Variants in PLCE1 observed in about 807,000 individuals in gnomAD.
PLCE1 encodes the protein phospholipase C epsilon 1.
In PLCE1, 119 loss-of-function variants were observed where a neutral mutation model predicts 242.8. That is an observed-to-expected ratio of 0.49 (90% CI 0.42 to 0.57). The LOEUF (loss-of-function observed/expected upper bound fraction) is 0.57. PLCE1 is among the 20% of genes least tolerant of loss of function. The probability of loss-of-function intolerance (pLI) is 0.00; values close to 1 mark genes in which losing one functional copy is unlikely to be tolerated. For synonymous variants in PLCE1, 945 were observed against 1,017.4 expected (o/e 0.93, Z 1.35); for missense variants, 2,441 against 2,788.8 (o/e 0.88, Z 2.81).
intron 2 of PLCE1, among the ~76,000 whole-genome samples, chr10:94,060,431 A>T (rs1268662943): frequency 6.6e-6 from 1 of 152,184 alleles, no homozygotes; most frequent in Non-Finnish European, 1.5e-5. Context: ...GAATAAAGGT[A>T]TGAAAAATAA....
At chr10:94,177,792 A>T (rs1023389275) in intron 4 of PLCE1, among the ~76,000 whole-genome samples, 5 of 152,224 alleles carry the variant, frequency 3.3e-5, no homozygotes, top group Non-Finnish European at 4.4e-5. Context: ...ATGCAGAGGC[A>T]TTTTTATAGA....
chr10:94,141,581 G>A (rs186935980), intron 3 of PLCE1, among the ~76,000 whole-genome samples: 248 of 4,342 alleles, frequency 0.057, 8 homozygotes, highest in African/African-American at 0.17. Flanking sequence ...AAGGGAAGGT[G>A]AAGGGAAGGC....
At chr10:94,161,916 T>C (rs1484699203) in intron 3 of PLCE1, among the ~76,000 whole-genome samples, 1 of 152,206 alleles carries the variant, frequency 6.6e-6, no homozygotes, top group Non-Finnish European at 1.5e-5. Flanking sequence ...GAGATAATCA[T>C]GTGGTTTTTG....
At chr10:94,138,863 T>TAG (rs1443990025) in intron 3 of PLCE1, 5 of 179,452 alleles carry the variant, frequency 2.8e-5, no homozygotes, top group African/African-American at 9.6e-5. Context: ...TCTGGGAACC[T>TAG]GAGAATGCTG....
intron 22 of PLCE1, among the ~76,000 whole-genome samples, chr10:94,287,754 T>A (rs2052509466): frequency 6.6e-6 from 1 of 152,118 alleles, no homozygotes; most frequent in South Asian, 2.1e-4. Flanking sequence ...GATATGGTAT[T>A]TTTATTTTAT....
rs1315433974 is a variant in PLCE1, at chr10:94,236,364, T to TA, written c.2420+254dup. ...AACTTCTTACCATCTGTTACCCCTT[T>TA]AAAAAAAAAACAAAAACCTAGAGCT... is the stretch of plus-strand genomic sequence containing the variant. On this transcript the variant is annotated intron_variant, in intron 7 of 32. Coordinates refer to ENST00000371380, the MANE Select transcript of PLCE1 (RefSeq NM_016341.4). 3.3e-3 allele frequency among the ~76,000 whole-genome samples: 489 copies of TA among 147,132 alleles called. 3 individuals are homozygous for TA. Among genetic ancestry groups the TA allele is most frequent in the African/African-American group, 9.5e-3 (381 of 40,152 alleles).
At chr10:94,172,349 CTTTTG>C (rs996568669) in intron 4 of PLCE1, among the ~76,000 whole-genome samples, 10 of 152,156 alleles carry the variant, frequency 6.6e-5, no homozygotes, top group African/African-American at 2.2e-4. Flanking sequence ...GATTTAATTT[CTTTTG>C]TTTTGTGTAT....
intron 2 of PLCE1, among the ~76,000 whole-genome samples, chr10:94,071,826 C>G (rs1246259488): frequency 6.6e-6 from 1 of 151,948 alleles, no homozygotes; most frequent in East Asian, 1.9e-4. Flanking sequence ...CTCAGTGCTC[C>G]CCTCCCCCTC....
At chr10:94,324,285 T>G (rs1056511069) in intron 30 of PLCE1, 64 bp from the exon 31 acceptor site, 1 of 1,306,658 alleles carries the variant, frequency 7.7e-7, no homozygotes. Flanking sequence ...AAGTTTCATA[T>G]AGAATGAATG....
In PLCE1 at chr10:94,132,296, G is replaced by A. The variant is rs1431996947; in HGVS notation, c.1329G>A (p.Lys443=). 1.2e-6 allele frequency: 2 copies of A among 1,613,812 alleles called. No homozygotes were observed. The highest frequency in any genetic ancestry group is 3.3e-5 in the Admixed American group (2 of 59,962). Residue 443 remains lysine (K), a synonymous_variant, in exon 3 of 33, where the codon AAG becomes AAA. Coordinates refer to ENST00000371380, the MANE Select transcript of PLCE1 (RefSeq NM_016341.4). ...HGRISVGPCL[K]QCVRDTVCEY... The stretch of plus-strand genomic sequence containing the variant: ...GGATAAGCGTTGGTCCATGCTTAAA[G>A]CAATGTGTCCGAGACACTGTATGTG...
At chr10:94,266,254 A>C (rs1368763743) in intron 16 of PLCE1, among the ~76,000 whole-genome samples, 1 of 152,194 alleles carries the variant, frequency 6.6e-6, no homozygotes, top group Non-Finnish European at 1.5e-5. Flanking sequence ...ACCTACTCCC[A>C]CTAAAATTAG....
At chr10:94,071,407 T>G (rs1456035498) in intron 2 of PLCE1, among the ~76,000 whole-genome samples, 1 of 151,988 alleles carries the variant, frequency 6.6e-6, no homozygotes, top group Non-Finnish European at 1.5e-5. Flanking sequence ...TGCACACATC[T>G]TAAGCCTCCT....
Position 94,042,550 on chromosome 10 carries a change from T to C in PLCE1, c.1206+10298T>C, listed in dbSNP as rs561743766. ...CCCTATAACTTGGCAGAAATTCTGTTCTCTTATTAAATGTGCAAATGTTGA... is the reference window on the plus strand; with the variant it reads ...CCCTATAACTTGGCAGAAATTCTGTCCTCTTATTAAATGTGCAAATGTTGA... On this transcript the variant is annotated intron_variant, in intron 2 of 32. Transcript: ENST00000371380. 2.0e-5 allele frequency among the ~76,000 whole-genome samples: 3 copies of C among 152,188 alleles called. No individual in the cohort carries two copies. In the South Asian group the frequency reaches 6.2e-4, roughly 32 times the overall value.
intron 16 of PLCE1, among the ~76,000 whole-genome samples, chr10:94,268,418 T>G (rs1203807585): frequency 6.6e-6 from 1 of 152,230 alleles, no homozygotes; most frequent in Non-Finnish European, 1.5e-5. Context: ...TTCTTACATG[T>G]TATGCATTCA....
At chr10:94,176,741 G>C (rs1405751150) in intron 4 of PLCE1, among the ~76,000 whole-genome samples, 2 of 152,168 alleles carry the variant, frequency 1.3e-5, no homozygotes. Context: ...TACTGTGGTA[G>C]ATATGCACTA....
chr10:94,092,223 A>T (rs1345219537), intron 2 of PLCE1, among the ~76,000 whole-genome samples: 1 of 152,236 alleles, frequency 6.6e-6, no homozygotes, highest in East Asian at 1.9e-4. Context: ...TTTCAGAAAC[A>T]CAAAATATGA....
At chr10:94,205,442 G>T (rs1206271842) in intron 4 of PLCE1, among the ~76,000 whole-genome samples, 1 of 152,234 alleles carries the variant, frequency 6.6e-6, no homozygotes, top group Non-Finnish European at 1.5e-5. Flanking sequence ...ATAAAGTACA[G>T]TTGCATGTGA....
chr10:94,181,609 G>T (rs1047295513), intron 4 of PLCE1, among the ~76,000 whole-genome samples: 2 of 151,642 alleles, frequency 1.3e-5, no homozygotes, highest in African/African-American at 2.4e-5. Context: ...AAAATAAAAA[G>T]ATAAAAAGCT....
At chr10:94,166,951 A>G (rs758716116) in intron 3 of PLCE1, among the ~76,000 whole-genome samples, 18 of 152,148 alleles carry the variant, frequency 1.2e-4, no homozygotes, top group Non-Finnish European at 2.4e-4. Context: ...AGTTTTGCCC[A>G]CTTTTGCAGA....
Sources: allele counts gnomAD v4.1 joint callset (sites outside exome capture counted in the v4.1 genomes callset), GRCh38; gene constraint gnomAD v4.1.1; transcripts MANE v1.5; gene names NCBI Gene and HGNC (gene_info 2026-07-23, HGNC 2026-07-21).